The following ANO4 variants were observed in gnomAD, a reference collection of about 807,000 sequenced individuals.
The protein encoded by ANO4 is anoctamin 4, also known as anoctamin-4.
A neutral mutation model predicts 141.9 loss-of-function variants in ANO4; 69 were observed. The observed-to-expected ratio is 0.49, with a 90% CI of 0.40 to 0.59. The LOEUF (loss-of-function observed/expected upper bound fraction) is 0.59. Among genes scored for constraint, ANO4 ranks in the 20% least tolerant of loss-of-function variants. ANO4 has a pLI of 0.00. For missense variants in ANO4, 894 were observed against 1,162.2 expected (o/e 0.77, Z 3.36); for synonymous variants, 350 against 394.3 (o/e 0.89, Z 1.33).
chr12:100,806,245 T>C (rs2035014952), intron 1 of ANO4, among the ~76,000 whole-genome samples: 1 of 152,148 alleles, frequency 6.6e-6, no homozygotes, highest in Admixed American at 6.5e-5. Flanking sequence ...TGATGGCTCT[T>C]ACTGAATCAC....
At chr12:100,889,895 T>G (rs974363010) in intron 1 of ANO4, among the ~76,000 whole-genome samples, 4 of 152,150 alleles carry the variant, frequency 2.6e-5, no homozygotes, top group Admixed American at 6.5e-5. Context: ...AAGAATAAAT[T>G]AATTTGAAGA....
chr12:101,121,673 G>A (rs1405360459), intron 26 of ANO4, among the ~76,000 whole-genome samples: 1 of 151,316 alleles, frequency 6.6e-6, no homozygotes, highest in Non-Finnish European at 1.5e-5. Flanking sequence ...CACAGTAGTT[G>A]GACTAATTTA....
rs2041663728 is a variant in ANO4 at position 100,922,207 on chromosome 12, A to G, written c.56-19A>G. The G allele has an allele frequency of 6.6e-7, 1 of 1,514,762 alleles. No individual in the cohort carries two copies. Among genetic ancestry groups the G allele is most frequent in the South Asian group, 1.2e-5 (1 of 81,594 alleles). 93.8% of individuals were successfully genotyped at this position (1,514,762 alleles called of 1,614,324 possible). The stretch of plus-strand genomic sequence containing the variant: ...CTGATAACCAGTGCAAACTCCATGA[A>G]TATCTTTCATTTCTCTAGAAGGAGG... On this transcript the variant is annotated intron_variant, in intron 2 of 27. Transcript: ENST00000392977.
chr12:100,729,013 C>T lies in ANO4; in HGVS notation c.23-4761C>T, dbSNP rs570607905. 7.9e-5 allele frequency among the ~76,000 whole-genome samples: 12 copies of T among 152,046 alleles called. No individual in the cohort carries two copies. In the East Asian group the frequency reaches 1.9e-3, roughly 24 times the overall value. On this transcript the variant is annotated intron_variant, in intron 1 of 29. Transcript: ENST00000644049. The stretch of plus-strand genomic sequence containing the variant: ...TTCTTCCCCGTCAGTGGAACCACCA[C>T]GCTGACTTTTGTGCTAATTATTTTG...
chr12:100,923,607 G>A (rs2041736750), intron 3 of ANO4, among the ~76,000 whole-genome samples: 1 of 152,158 alleles, frequency 6.6e-6, no homozygotes, highest in Admixed American at 6.5e-5. Context: ...ACGTGTGCAT[G>A]TGTCTTTATA....
At chr12:101,064,798 TAAAC>T (rs1235168143) in intron 14 of ANO4, among the ~76,000 whole-genome samples, 2 of 152,022 alleles carry the variant, frequency 1.3e-5, no homozygotes, top group East Asian at 1.9e-4. Context: ...ATTCCAGAAA[TAAAC>T]AATTCATAAG....
At chr12:100,822,108 TAAAAC>T (rs1385437646) in intron 1 of ANO4, among the ~76,000 whole-genome samples, 2 of 151,834 alleles carry the variant, frequency 1.3e-5, no homozygotes, top group Admixed American at 6.6e-5. Flanking sequence ...CAGAACAAAT[TAAAAC>T]AAAATAAAAA....
chr12:100,787,493 A>G (rs1408529670), intron 3 of ANO4, among the ~76,000 whole-genome samples: 31 of 152,212 alleles, frequency 2.0e-4, no homozygotes, highest in Admixed American at 2.0e-3. Flanking sequence ...TCCTGCACAC[A>G]GTAAGACGCA....
Position 101,123,982 on chromosome 12 carries a change from A to G in ANO4, c.2677-2897A>G, listed in dbSNP as rs114298235. 8.0e-3 allele frequency among the ~76,000 whole-genome samples: 1,218 copies of G among 151,918 alleles called. 17 individuals are homozygous for G. The highest frequency in any genetic ancestry group is 0.027 in the African/African-American group (1,133 of 41,470). On this transcript the variant is annotated intron_variant, in intron 26 of 27. Coordinates refer to ENST00000392977, the MANE Select transcript of ANO4 (RefSeq NM_001286615.2). ...TATCTGTTTGTGTCCTTTGCCATAC[A>G]AGTTATAGAATTGCTGGGTAAAATG...
chr12:100,739,951 C>T (rs765634291), exon 3 of ANO4: 20 of 702,460 alleles, frequency 2.8e-5, no homozygotes, highest in Admixed American at 6.0e-5. Context: ...TGCCTCTCTT[C>T]GTCTCCAAAG....
chr12:101,024,685 T>C (rs746268099), intron 9 of ANO4, among the ~76,000 whole-genome samples: 2 of 152,088 alleles, frequency 1.3e-5, no homozygotes, highest in African/African-American at 4.8e-5. Context: ...AAGTTATTGA[T>C]GAGATATGTA....
At chr12:101,069,178 T>C (rs777146670) in intron 14 of ANO4, 76 of 1,293,052 alleles carry the variant, frequency 5.9e-5, no homozygotes, top group Non-Finnish European at 7.3e-5. Context: ...AAATAAAACA[T>C]GCGAGGAACA....
At chr12:100,849,213 T>C (rs1049266335) in intron 1 of ANO4, among the ~76,000 whole-genome samples, 1 of 152,158 alleles carries the variant, frequency 6.6e-6, no homozygotes, top group Non-Finnish European at 1.5e-5. Flanking sequence ...TTTACTAGAA[T>C]AGAAAAGAAC....
At chr12:101,002,679 C>T (rs947145732) in intron 8 of ANO4, among the ~76,000 whole-genome samples, 14 of 152,130 alleles carry the variant, frequency 9.2e-5, no homozygotes, top group Non-Finnish European at 1.6e-4. Context: ...TGTCTCATGT[C>T]TCATGCAGAC....
chr12:100,940,196 GT>G (rs780940950), intron 4 of ANO4, among the ~76,000 whole-genome samples: 1,703 of 135,854 alleles, frequency 0.013, 17 homozygotes, highest in African/African-American at 0.018. Context: ...TTCTTTTTCT[GT>G]TTTTTTTTTT....
chr12:101,125,115 T>G (rs899057665), intron 26 of ANO4, among the ~76,000 whole-genome samples: 5 of 152,230 alleles, frequency 3.3e-5, no homozygotes, highest in Non-Finnish European at 7.3e-5. Context: ...TGGAACATTT[T>G]TCCATCTGCT....
At position 101,062,161 on chromosome 12, in the gene ANO4, G is replaced by T. The variant is rs188012798; in HGVS notation, c.1312+13760G>T. 1.2e-4 allele frequency among the ~76,000 whole-genome samples: 19 copies of T among 152,288 alleles called. No homozygotes were observed. The East Asian group carries it at 3.5e-3, about 28-fold the overall frequency. On this transcript the variant is annotated intron_variant, in intron 14 of 27. Coordinates refer to ENST00000392977, the MANE Select transcript of ANO4 (RefSeq NM_001286615.2). ...ACCCCTCTGCTGCAGGTCTGCTGGAGTTTGCTGGAGGTCTACTCCAGACCC... is the reference window on the plus strand; with the variant it reads ...ACCCCTCTGCTGCAGGTCTGCTGGATTTTGCTGGAGGTCTACTCCAGACCC...
intron 5 of ANO4, among the ~76,000 whole-genome samples, chr12:100,948,459 C>G (rs1459379462): frequency 6.6e-6 from 1 of 152,010 alleles, no homozygotes; most frequent in African/African-American, 2.4e-5. Flanking sequence ...TAGTGCCAAT[C>G]TTTGTTTTTC....
chr12:100,897,888 T>C (rs73389639), intron 1 of ANO4, among the ~76,000 whole-genome samples: 2,795 of 152,298 alleles, frequency 0.018, 97 homozygotes, highest in African/African-American at 0.064. Flanking sequence ...CTCTCAACAT[T>C]CTGGGCTTCC....
Sources: allele counts gnomAD v4.1 joint callset (sites outside exome capture counted in the v4.1 genomes callset), GRCh38; gene constraint gnomAD v4.1.1; transcripts MANE v1.5; gene names NCBI Gene and HGNC (gene_info 2026-07-23, HGNC 2026-07-21).